The following TAF4B variants were observed in gnomAD, a reference collection of about 807,000 sequenced individuals.
TAF4B encodes TATA-box binding protein associated factor 4b, also known as transcription initiation factor TFIID subunit 4B.
Under a neutral mutation model 86.4 loss-of-function variants are expected in TAF4B, and 38 were observed. The ratio of observed to expected loss-of-function variants is 0.44; its 90% confidence interval spans 0.34 to 0.58. The LOEUF is 0.58. Among genes scored for constraint, TAF4B ranks in the 20% least tolerant of loss-of-function variants. The pLI, the probability that TAF4B is intolerant of heterozygous loss-of-function variation, is 0.02. For missense variants in TAF4B, 988 were observed against 1,027.6 expected (o/e 0.96, Z 0.53); for synonymous variants, 388 against 391.2 (o/e 0.99, Z 0.10).
At chr18:26,228,248 A>G (rs1055112307) in intron 1 of TAF4B, among the ~76,000 whole-genome samples, 2 of 152,182 alleles carry the variant, frequency 1.3e-5, no homozygotes, top group East Asian at 1.9e-4. Flanking sequence ...GTTTAGCAGT[A>G]ATTGGAACTC....
intron 13 of TAF4B, among the ~76,000 whole-genome samples, chr18:26,356,259 C>T (rs1416455605): frequency 1.3e-5 from 2 of 152,128 alleles, no homozygotes; most frequent in East Asian, 1.9e-4. Flanking sequence ...ACTTAATCAC[C>T]TCCCAGAGGC....
chr18:26,390,057 A>G lies in TAF4B; in HGVS notation c.*45A>G, dbSNP rs772963813. 3 of 1,577,138 alleles carry G rather than the reference A, an allele frequency of 1.9e-6. No individual in the cohort carries two copies. The South Asian group carries it at 3.5e-5, about 18-fold the overall frequency. On this transcript the variant is annotated 3_prime_UTR_variant, in exon 15 of 15. Transcript: ENST00000269142. ...AGATCCTTGCTATTTACTGCCAAAG[A>G]AGACACAAAGCATTGTTGCACTGTC...
Position 26,327,052 on chromosome 18 carries a change from C to A in TAF4B, c.2171C>A (p.Ser724Ter), listed in dbSNP as rs757239978. 5.6e-6 allele frequency: 9 copies of A among 1,613,402 alleles called. No homozygotes were observed. ...TACATCCTGTGTAGTGATACCAGGT[C>A]ACAGCTCAAATTTCTTGAAAAGCTG... ...ENYILCSDTR[S>*]QLKFLEKLDQ... Residue 724 changes from serine (S) to a stop codon, truncating the protein, a stop_gained, in exon 12 of 15, where the codon TCA (serine) becomes TAA (stop). Coordinates refer to ENST00000269142, the MANE Select transcript of TAF4B (RefSeq NM_005640.3). LOFTEE classifies it high-confidence loss of function.
rs200477306 is a variant in TAF4B, at chr18:26,321,145, G to A, written c.2078G>A (p.Arg693Gln). The change falls in exon 11 of 15, where the codon CGA becomes CAA. Residue 693 changes from arginine to glutamine, a missense_variant. Physicochemically the swap from Arg to Gln is conservative, Grantham distance 43. Around this residue, in one of 3 missense-constraint regions of TAF4B, gnomAD observed 216 missense variants for 238.4 expected, o/e 0.91. Coordinates refer to ENST00000269142, the MANE Select transcript of TAF4B (RefSeq NM_005640.3). ...TCCCAAGCAACACAGGAACGACTAC[G>A]AGGCCTTCTAGAAAAACTGACTGCA... is the stretch of plus-strand genomic sequence containing the variant. ...LISQATQERL[R>Q]GLLEKLTAIA... 13 of 1,613,678 alleles carry A rather than the reference G, an allele frequency of 8.1e-6. No homozygotes were observed. The highest frequency in any genetic ancestry group is 1.3e-5 in the African/African-American group (1 of 74,894).
chr18:26,267,208 T>G, intron 2 of TAF4B: 1 of 191,578 alleles, frequency 5.2e-6, no homozygotes, highest in Non-Finnish European at 1.1e-5. Context: ...CTATTTTTTC[T>G]GTATGAACCA....
intron 5 of TAF4B, among the ~76,000 whole-genome samples, chr18:26,277,633 G>A (rs1453989292): frequency 2.0e-5 from 3 of 151,056 alleles, no homozygotes; most frequent in Non-Finnish European, 1.5e-5. Context: ...GTGAAGAGAG[G>A]TGGTTGGAAT....
intron 3 of TAF4B, among the ~76,000 whole-genome samples, chr18:26,272,291 G>A (rs974807548): frequency 1.3e-5 from 2 of 152,196 alleles, no homozygotes; most frequent in Non-Finnish European, 2.9e-5. Context: ...ATGCTGCTAT[G>A]AGACTAATGG....
intron 1 of TAF4B, among the ~76,000 whole-genome samples, chr18:26,242,761 C>G (rs761491073): frequency 1.4e-4 from 22 of 152,162 alleles, no homozygotes; most frequent in Non-Finnish European, 3.1e-4. Context: ...CCTTCAGGAG[C>G]TCTTGTAAGG....
At chr18:26,267,799 A>T (rs571369772) in intron 3 of TAF4B, among the ~76,000 whole-genome samples, 176 bp downstream of exon 3, 1 of 152,246 alleles carries the variant, frequency 6.6e-6, no homozygotes, top group Admixed American at 6.5e-5. Context: ...CAAGATAAAC[A>T]TGGTGTACAT....
At chr18:26,359,772 GTGGCACAATCT>G (rs2057316291) in intron 14 of TAF4B, among the ~76,000 whole-genome samples, 1 of 152,118 alleles carries the variant, frequency 6.6e-6, no homozygotes, top group Non-Finnish European at 1.5e-5. Flanking sequence ...CCAGGATGGA[GTGGCACAATCT>G]TGGCTCACTG....
chr18:26,353,483 C>A (rs538475304), intron 13 of TAF4B, among the ~76,000 whole-genome samples: 2 of 152,322 alleles, frequency 1.3e-5, no homozygotes, highest in South Asian at 4.1e-4. Context: ...GTAATCCCGG[C>A]ACTTTGGGAG....
intron 1 of TAF4B, among the ~76,000 whole-genome samples, chr18:26,264,794 A>G (rs1172351231): frequency 6.6e-6 from 1 of 152,206 alleles, no homozygotes; most frequent in Non-Finnish European, 1.5e-5. Flanking sequence ...AGAGCCTTTT[A>G]GGAAAATGTG....
At chr18:26,300,057 G>A (rs7240255) in intron 9 of TAF4B, among the ~76,000 whole-genome samples, 17,063 of 152,016 alleles carry the variant, frequency 0.11, 978 homozygotes, top group African/African-American at 0.14. Context: ...TTAGAGTGCA[G>A]TGGCACTTCA....
chr18:26,245,245 A>T (rs1279676277), intron 1 of TAF4B, among the ~76,000 whole-genome samples: 1 of 152,154 alleles, frequency 6.6e-6, no homozygotes, highest in Non-Finnish European at 1.5e-5. Context: ...GATATCCTGA[A>T]CAAGCCCCCA....
At chr18:26,377,819 G>T (rs990731136) in intron 14 of TAF4B, among the ~76,000 whole-genome samples, 1 of 152,140 alleles carries the variant, frequency 6.6e-6, no homozygotes, top group Non-Finnish European at 1.5e-5. Flanking sequence ...CATGCTTTCA[G>T]TGGTTGTATT....
At chr18:26,249,329 A>G (rs2055969451) in intron 1 of TAF4B, among the ~76,000 whole-genome samples, 1 of 152,170 alleles carries the variant, frequency 6.6e-6, no homozygotes, top group Admixed American at 6.5e-5. Context: ...AAATACACAA[A>G]AATTAGCCAG....
intron 14 of TAF4B, among the ~76,000 whole-genome samples, chr18:26,380,979 G>A (rs938169192): frequency 2.0e-5 from 3 of 151,926 alleles, no homozygotes; most frequent in African/African-American, 4.8e-5. Flanking sequence ...TCTATGCTAC[G>A]TTGTCTGTTT....
At chr18:26,311,327 C>T (rs2056851779) in intron 9 of TAF4B, among the ~76,000 whole-genome samples, 3 of 152,018 alleles carry the variant, frequency 2.0e-5, no homozygotes, top group African/African-American at 7.2e-5. Context: ...GCTTTGAAAG[C>T]TTTGAAAATA....
intron 1 of TAF4B, among the ~76,000 whole-genome samples, chr18:26,259,534 T>G (rs2056134844): frequency 6.6e-6 from 1 of 151,410 alleles, no homozygotes; most frequent in African/African-American, 2.4e-5. Flanking sequence ...ACATGTGGTG[T>G]TTGGTTTTTT....
Sources: gnomAD v4.1 joint callset for allele counts (sites outside exome capture counted in the v4.1 genomes callset) on GRCh38, gnomAD v4.1.1 for gene constraint, gnomAD v4.1.1 regional missense constraint, MANE v1.5 for transcripts, NCBI Gene and HGNC (gene_info 2026-07-23, HGNC 2026-07-21) for gene names.